The following CYP7B1 variants were observed in gnomAD, a reference collection of about 807,000 sequenced individuals.
The protein encoded by CYP7B1 is cytochrome P450 7B1.
CYP7B1 carries 29 observed loss-of-function variants against 42.7 expected under a neutral mutation model. The ratio of observed to expected loss-of-function variants is 0.68; its 90% confidence interval spans 0.51 to 0.93. The LOEUF is 0.93. Among genes scored for constraint, CYP7B1 ranks in the 40% least tolerant of loss-of-function variants. CYP7B1 has a pLI of 0.00. For synonymous variants in CYP7B1, 235 were observed against 218.2 expected (o/e 1.08, Z -0.68); for missense variants, 655 against 600.5 (o/e 1.09, Z -0.95).
rs940691404 is a variant in CYP7B1 at position 64,591,099 on chromosome 8, T to C, written c.*5543A>G. ...AAGTATTGACAAATTATAACCTATT[T>C]TAAATTGTGTAGAGTTTTTCATGTA... is the stretch of plus-strand genomic sequence containing the variant. On this transcript the variant is annotated 3_prime_UTR_variant, in exon 6 of 6. Transcript: ENST00000310193. Among the ~76,000 whole-genome samples, 1 of 152,162 alleles carries C rather than the reference T, an allele frequency of 6.6e-6. No homozygotes were observed. The highest frequency in any genetic ancestry group is 2.4e-5 in the African/African-American group (1 of 41,464).
At chr8:64,622,574 G>C (rs1399690341) in intron 2 of CYP7B1, among the ~76,000 whole-genome samples, 1 of 152,182 alleles carries the variant, frequency 6.6e-6, no homozygotes, top group African/African-American at 2.4e-5. Context: ...TATGCAACTA[G>C]AGATAGCAAA....
At chr8:64,719,827 G>C (rs944150079) in intron 1 of CYP7B1, among the ~76,000 whole-genome samples, 6 of 152,176 alleles carry the variant, frequency 3.9e-5, no homozygotes, top group Non-Finnish European at 5.9e-5. Context: ...CAATTGAACT[G>C]AACTGTTTTT....
intron 1 of CYP7B1, among the ~76,000 whole-genome samples, chr8:64,686,049 A>G (rs1402540168): frequency 1.0e-3 from 92 of 91,156 alleles, no homozygotes; most frequent in Middle Eastern, 5.8e-3. Context: ...CGGGAGGGAG[A>G]TGGGGGGGGT....
intron 1 of CYP7B1, among the ~76,000 whole-genome samples, chr8:64,708,687 AT>A (rs891766042): frequency 2.6e-5 from 4 of 152,186 alleles, no homozygotes; most frequent in African/African-American, 9.6e-5. Context: ...GAAATTAATA[AT>A]TTTTTGAAAT....
chr8:64,685,233 C>T (rs1806605259), intron 1 of CYP7B1, among the ~76,000 whole-genome samples: 1 of 150,450 alleles, frequency 6.6e-6, no homozygotes, highest in Admixed American at 6.6e-5. Flanking sequence ...AAGGAGCAGC[C>T]GCCTGCCTTG....
At chr8:64,651,269 C>T (rs1585832814) in intron 1 of CYP7B1, among the ~76,000 whole-genome samples, 1 of 152,208 alleles carries the variant, frequency 6.6e-6, no homozygotes, top group East Asian at 1.9e-4. Flanking sequence ...GACTACACTG[C>T]AGAACTGCAT....
rs1806916943 is a variant in CYP7B1, at chr8:64,701,579, A to G, written c.123-77040T>C. On this transcript the variant is annotated intron_variant, in intron 1 of 5. Transcript: ENST00000310193. ...AAGAATCATTTGGTTTAATGAATGA[A>G]TGTGATTCTGCTTAAATGCCTGAAT... Among the ~76,000 whole-genome samples the G allele has an allele frequency of 3.3e-5, 5 of 152,112 alleles. No homozygotes were observed. The South Asian group carries it at 1.0e-3, about 31-fold the overall frequency.
chr8:64,691,338 G>T (rs1806738115), intron 1 of CYP7B1, among the ~76,000 whole-genome samples: 1 of 152,014 alleles, frequency 6.6e-6, no homozygotes, highest in Non-Finnish European at 1.5e-5. Context: ...GAAACCAAAT[G>T]GCTACCTACC....
rs1027861467 is a variant in CYP7B1, at chr8:64,623,128, T to C, written c.259+1275A>G. ...TGATGTTGAAGATTGTATACAAAGA[T>C]AGCTATGATGTATTCCTTCCATCTC... On this transcript the variant is annotated intron_variant, in intron 2 of 5. Coordinates refer to ENST00000310193, the MANE Select transcript of CYP7B1 (RefSeq NM_004820.5). Among the ~76,000 whole-genome samples the C allele has an allele frequency of 6.6e-5, 10 of 152,180 alleles. No homozygotes were observed. The South Asian group carries it at 8.3e-4, about 13-fold the overall frequency.
chr8:64,699,829 G>A (rs1442066678), intron 1 of CYP7B1, among the ~76,000 whole-genome samples: 1 of 151,924 alleles, frequency 6.6e-6, no homozygotes, highest in Non-Finnish European at 1.5e-5. Flanking sequence ...AAAATAAATG[G>A]CTTATGTTAT....
chr8:64,604,258 T>C (rs1805242957), intron 5 of CYP7B1, among the ~76,000 whole-genome samples: 1 of 152,226 alleles, frequency 6.6e-6, no homozygotes. Flanking sequence ...GCAATGATAC[T>C]ATTTGACTTT....
At chr8:64,729,091 T>A (rs183029415) in intron 1 of CYP7B1, 13 of 152,312 alleles carry the variant, frequency 8.5e-5, no homozygotes, top group African/African-American at 3.1e-4. Context: ...GCCTGGGAAG[T>A]TGAGGCTGCA....
intron 1 of CYP7B1, among the ~76,000 whole-genome samples, chr8:64,754,629 T>C (rs1349015596): frequency 6.6e-6 from 1 of 152,018 alleles, no homozygotes; most frequent in African/African-American, 2.4e-5. Flanking sequence ...TTCAAGCCCT[T>C]GAGCAAGGCT....
chr8:64,611,688 T>A (rs552772024), intron 4 of CYP7B1, among the ~76,000 whole-genome samples: 1 of 152,160 alleles, frequency 6.6e-6, no homozygotes, highest in African/African-American at 2.4e-5. Context: ...ACCTGGACCA[T>A]GTTTGCAACT....
intron 1 of CYP7B1, among the ~76,000 whole-genome samples, chr8:64,787,617 C>T (rs896175702): frequency 5.3e-5 from 8 of 152,188 alleles, no homozygotes; most frequent in African/African-American, 1.4e-4. Flanking sequence ...CAAACTTTCC[C>T]ACATTTTCCT....
intron 1 of CYP7B1, among the ~76,000 whole-genome samples, chr8:64,769,560 C>T (rs984097503): frequency 6.6e-6 from 1 of 152,156 alleles, no homozygotes; most frequent in Non-Finnish European, 1.5e-5. Flanking sequence ...CCTAAGCCTC[C>T]ATGCCCAATT....
chr8:64,677,438 CAAAAAAAAAAA>C (rs148821778), intron 1 of CYP7B1, among the ~76,000 whole-genome samples: 13,174 of 87,526 alleles, frequency 0.15, 1,064 homozygotes, highest in African/African-American at 0.31. Context: ...ATTTAGGAGC[CAAAAAAAAAAA>C]AAAAAAAAAA....
chr8:64,650,096 C>T (rs1010995764), intron 1 of CYP7B1, among the ~76,000 whole-genome samples: 2 of 151,924 alleles, frequency 1.3e-5, no homozygotes, highest in Non-Finnish European at 1.5e-5. Context: ...GTTGCCTGTG[C>T]CTGTGCATAT....
intron 1 of CYP7B1, among the ~76,000 whole-genome samples, chr8:64,753,872 A>AGGG (rs1020198190): frequency 6.6e-5 from 10 of 152,186 alleles, no homozygotes; most frequent in African/African-American, 2.4e-4. Context: ...CAGAAGAGGA[A>AGGG]GGGGGCATAG....
Sources: allele counts gnomAD v4.1 joint callset (sites outside exome capture counted in the v4.1 genomes callset), GRCh38; gene constraint gnomAD v4.1.1; transcripts MANE v1.5; gene names NCBI Gene and HGNC (gene_info 2026-07-23, HGNC 2026-07-21).